VWC2: variants seen among roughly 807,000 people sequenced by gnomAD.
The protein encoded by VWC2 is von Willebrand factor C domain containing 2.
In VWC2, 14 loss-of-function variants were observed where a neutral mutation model predicts 29.8. The ratio of observed to expected loss-of-function variants is 0.47; its 90% CI spans 0.31 to 0.74. The LOEUF is 0.74. Ranked by LOEUF, VWC2 falls within the 30% of genes least tolerant of loss-of-function variation. The probability of loss-of-function intolerance (pLI) is 0.05; values close to 1 mark genes in which losing one functional copy is unlikely to be tolerated. For synonymous variants in VWC2, 213 were observed against 199.0 expected, an observed-to-expected ratio of 1.07 and a Z score of -0.59; for missense variants, 457 against 459.8, an observed-to-expected ratio of 0.99 and a Z score of 0.05.
intron 3 of VWC2, among the ~76,000 whole-genome samples, chr7:49,853,629 C>T (rs1790288453): frequency 6.6e-6 from 1 of 151,822 alleles, no homozygotes; most frequent in Non-Finnish European, 1.5e-5. Context: ...CTTTACGTAA[C>T]ATAAAGTATG....
In VWC2 at chr7:49,774,006, G is replaced by C. The variant is rs1004401734; in HGVS notation, c.-211G>C. 1.3e-5 allele frequency: 2 copies of C among 151,760 alleles called. No homozygotes were observed. Among genetic ancestry groups the C allele is most frequent in the Non-Finnish European group, 2.9e-5 (2 of 67,920 alleles). 9.4% of individuals were successfully genotyped at this position (151,760 alleles called of 1,614,324 possible). On this transcript the variant is annotated 5_prime_UTR_variant, in exon 1 of 4. Transcript: ENST00000340652. The stretch of plus-strand genomic sequence containing the variant: ...GGGCTGTTAGTGGTCCGCCCCACGC[G>C]GGTCGCCGGCCGGCCCAGGATGGGC...
chr7:49,789,935 C>T (rs1318257487), intron 2 of VWC2, among the ~76,000 whole-genome samples: 1 of 152,226 alleles, frequency 6.6e-6, no homozygotes, highest in Non-Finnish European at 1.5e-5. Context: ...CCCCTTGGCT[C>T]CTTGCAGAGG....
chr7:49,790,849 G>T (rs1383827653), intron 2 of VWC2, among the ~76,000 whole-genome samples: 4 of 152,072 alleles, frequency 2.6e-5, no homozygotes, highest in African/African-American at 9.6e-5. Flanking sequence ...ACGGGGGAGA[G>T]GTTTAGTTCC....
At chr7:49,789,217 G>C (rs1220815697) in intron 2 of VWC2, among the ~76,000 whole-genome samples, 1 of 149,704 alleles carries the variant, frequency 6.7e-6, no homozygotes, top group Non-Finnish European at 1.5e-5. Context: ...GTGTGTGTGT[G>C]AGTGTGGGAG....
chr7:49,815,520 A>G lies in VWC2; in HGVS notation c.826+12680A>G, dbSNP rs371434809. 3.3e-5 allele frequency among the ~76,000 whole-genome samples: 5 copies of G among 152,234 alleles called. No homozygotes were observed. The East Asian group carries it at 9.6e-4, about 29-fold the overall frequency. On this transcript the variant is annotated intron_variant, in intron 3 of 3. Coordinates refer to ENST00000340652, the MANE Select transcript of VWC2 (RefSeq NM_198570.5). ...TTAAACTATAGAAAAATGATGCCTC[A>G]TTATTTCAATATTAAGCACATAAAC...
At chr7:49,839,980 C>G (rs1227012067) in intron 3 of VWC2, among the ~76,000 whole-genome samples, 1 of 152,148 alleles carries the variant, frequency 6.6e-6, no homozygotes, top group Non-Finnish European at 1.5e-5. Context: ...TGGCGAGGGC[C>G]CAGGCAGTAA....
At chr7:49,808,607 G>A (rs1311408665) in intron 3 of VWC2, among the ~76,000 whole-genome samples, 1 of 152,014 alleles carries the variant, frequency 6.6e-6, no homozygotes, top group Non-Finnish European at 1.5e-5. Context: ...ACTGTCTACA[G>A]TTGACCCTAT....
chr7:49,861,209 C>T (rs1013607525), intron 3 of VWC2, among the ~76,000 whole-genome samples: 2 of 152,280 alleles, frequency 1.3e-5, no homozygotes, highest in East Asian at 1.9e-4. Context: ...CATCTTAGTA[C>T]ATGTAAAATG....
At chr7:49,854,347 T>C (rs1188547424) in intron 3 of VWC2, among the ~76,000 whole-genome samples, 1 of 152,202 alleles carries the variant, frequency 6.6e-6, no homozygotes, top group Non-Finnish European at 1.5e-5. Context: ...AACGTGTTCC[T>C]ATTTCCCCAC....
At position 49,775,396 on chromosome 7, in the gene VWC2, C is replaced by CTGCCCGTGCCTGTGCACCGAGGAGG; in HGVS notation, c.-40_-39insTGCCCGTGCCTGTGCACCGAGGAGG. 1 of 1,326,042 alleles carries CTGCCCGTGCCTGTGCACCGAGGAGG rather than the reference C, an allele frequency of 7.5e-7. No homozygotes were observed. The highest frequency in any genetic ancestry group is 9.6e-7 in the Non-Finnish European group (1 of 1,039,300). 82.1% of individuals were successfully genotyped at this position (1,326,042 alleles called of 1,614,324 possible). A position where few individuals can be genotyped will look rare whatever the true frequency, so the allele number is the denominator to read the frequency against. On this transcript the variant is annotated 5_prime_UTR_variant, in exon 2 of 4. It removes the in-frame stop codon of an upstream open reading frame in the 5' UTR. Transcript: ENST00000340652. ...CTGTGAATGCGACTCGCCCCTCGGC[C>CTGCCCGTGCCTGTGCACCGAGGAGG]GCGCTCCCCGCCCGCCCGCCCGCCG...
chr7:49,870,043 G>A (rs758492133), intron 3 of VWC2, among the ~76,000 whole-genome samples: 1 of 152,178 alleles, frequency 6.6e-6, no homozygotes, highest in South Asian at 2.1e-4. Flanking sequence ...CAGGAAAACC[G>A]ATCTATGGTG....
chr7:49,793,854 C>A (rs1788520690), intron 2 of VWC2, among the ~76,000 whole-genome samples: 1 of 152,216 alleles, frequency 6.6e-6, no homozygotes, highest in Non-Finnish European at 1.5e-5. Context: ...GCATCCTGGA[C>A]TGGGAAGTGC....
chr7:49,917,638 T>C lies in VWC2; in HGVS notation c.*5453T>C, dbSNP rs541388409. On this transcript the variant is annotated 3_prime_UTR_variant, in exon 4 of 4. Transcript: ENST00000340652. ...AACACAATTGCAAATATTGCGACTT[T>C]AGTTTTTAATTCAATTTTCAGCAAG... 1 of 152,330 alleles carries C rather than the reference T, an allele frequency of 6.6e-6. No homozygotes were observed. Among genetic ancestry groups the C allele is most frequent in the South Asian group, 2.1e-4 (1 of 4,832 alleles). The allele number at this position is 152,330 out of a possible 1,614,324, so 9.4% of individuals were successfully genotyped here. A position where few individuals can be genotyped will look rare whatever the true frequency, so the allele number is the denominator to read the frequency against.
chr7:49,800,936 A>G (rs975435920), intron 2 of VWC2, among the ~76,000 whole-genome samples: 2 of 151,344 alleles, frequency 1.3e-5, no homozygotes, highest in Non-Finnish European at 2.9e-5. Flanking sequence ...TTACTTCAAG[A>G]TTGATTTTAA....
chr7:49,845,420 G>T (rs692185), intron 3 of VWC2, among the ~76,000 whole-genome samples: 14 of 152,272 alleles, frequency 9.2e-5, no homozygotes, highest in South Asian at 4.1e-4. Context: ...AACAATGCTT[G>T]TGATTATTAC....
chr7:49,830,833 A>G (rs189077739), intron 3 of VWC2, among the ~76,000 whole-genome samples: 58 of 152,154 alleles, frequency 3.8e-4, no homozygotes, highest in African/African-American at 1.4e-3. Flanking sequence ...CCATGTCCCT[A>G]CAAAGGACAT....
chr7:49,791,106 A>G (rs1289399857), intron 2 of VWC2, among the ~76,000 whole-genome samples: 1 of 152,182 alleles, frequency 6.6e-6, no homozygotes, highest in Non-Finnish European at 1.5e-5. Flanking sequence ...GAAAGGAATC[A>G]CTTCAGCATT....
intron 2 of VWC2, among the ~76,000 whole-genome samples, chr7:49,784,942 G>C (rs1425071894): frequency 6.6e-6 from 1 of 152,168 alleles, no homozygotes; most frequent in Non-Finnish European, 1.5e-5. Context: ...GGCAAAAGCA[G>C]TTGAATCAGA....
intron 3 of VWC2, among the ~76,000 whole-genome samples, chr7:49,871,036 C>T (rs1791127708): frequency 6.6e-6 from 1 of 152,118 alleles, no homozygotes; most frequent in Non-Finnish European, 1.5e-5. Flanking sequence ...AAGTATTCCA[C>T]AGAACCAATA....
Sources: allele counts gnomAD v4.1 joint callset (sites outside exome capture counted in the v4.1 genomes callset), GRCh38; gene constraint gnomAD v4.1.1; transcripts MANE v1.5; gene names NCBI Gene and HGNC (gene_info 2026-07-23, HGNC 2026-07-21).